The following RTTN variants were observed in gnomAD, a reference collection of about 807,000 sequenced individuals.
RTTN encodes the protein rotatin.
Under a neutral mutation model 269.2 loss-of-function variants are expected in RTTN, and 182 were observed. That is an observed-to-expected ratio of 0.68 (90% confidence interval 0.60 to 0.76). The LOEUF (loss-of-function observed/expected upper bound fraction) is 0.76, where lower values mean the gene tolerates loss of function less well. RTTN is among the 30% of genes least tolerant of loss of function. The pLI, the probability that RTTN is intolerant of heterozygous loss-of-function variation, is 0.00. For synonymous variants in RTTN, 1,006 were observed against 963.5 expected (o/e 1.04, Z -0.82); for missense variants, 2,545 against 2,608.6 (o/e 0.98, Z 0.53).
At position 70,196,531 on chromosome 18, in the gene RTTN, G is replaced by A. The variant is rs774507438; in HGVS notation, c.811C>T (p.Arg271Ter). 14 of 1,611,390 alleles carry A rather than the reference G, an allele frequency of 8.7e-6. No individual in the cohort carries two copies. The highest frequency in any genetic ancestry group is 5.1e-5 in the Admixed American group (3 of 59,126). Residue 271 changes from arginine to a stop codon, truncating the protein, a stop_gained, in exon 7 of 49, where the codon CGA becomes TGA. Transcript: ENST00000640769. LOFTEE classifies it high-confidence loss of function. The stretch of plus-strand genomic sequence containing the variant: ...TTATTGGAGAAAAAACCTGGATCTC[G>A]GTGAAAGTTAAGTCTGTTTCTTAAA... Reference protein sequence around the residue: ...MYLRNRLNFHRDPGFFSNKHD... With the variant: ...MYLRNRLNFH
chr18:70,057,274 G>A (rs1482973385), intron 37 of RTTN, among the ~76,000 whole-genome samples: 1 of 152,200 alleles, frequency 6.6e-6, no homozygotes, highest in Non-Finnish European at 1.5e-5. Context: ...CTAGCTATAG[G>A]CAAGAATTTA....
rs2056183636 is a variant in RTTN at position 70,006,276 on chromosome 18, C to A, written c.6525+105G>T. ...ATGGATCTTTGATTTTGTCTTTTTT[C>A]TTTTGCTGTAACTCTTGACACCTTT... On this transcript the variant is annotated intron_variant, in intron 47 of 48. Transcript: ENST00000640769. 2.3e-5 allele frequency: 17 copies of A among 727,254 alleles called. No individual in the cohort carries two copies. In the South Asian group the frequency reaches 3.0e-4, roughly 13 times the overall value. 45.1% of individuals were successfully genotyped at this position (727,254 alleles called of 1,614,324 possible). A position where few individuals can be genotyped will look rare whatever the true frequency, so the allele number is the denominator to read the frequency against.
In RTTN at chr18:70,128,556, A is replaced by T. The variant is rs761093815; in HGVS notation, c.2955-10T>A. 4 of 1,607,354 alleles carry T rather than the reference A, an allele frequency of 2.5e-6. No homozygotes were observed. In the South Asian group the frequency reaches 4.4e-5, roughly 18 times the overall value. ...AACAGGTAGATGGTACCTAAAGAAAATGTGTACAAATAATTACAAACTTTC... is the reference window on the plus strand; with the variant it reads ...AACAGGTAGATGGTACCTAAAGAAATTGTGTACAAATAATTACAAACTTTC... On this transcript the variant is annotated splice_polypyrimidine_tract_variant and intron_variant, in intron 23 of 48. Transcript: ENST00000640769.
At chr18:70,189,503 T>C (rs1052198306) in intron 9 of RTTN, among the ~76,000 whole-genome samples, 9 of 152,238 alleles carry the variant, frequency 5.9e-5, no homozygotes, top group Non-Finnish European at 1.3e-4. Context: ...GTTGAAAATG[T>C]ATAGATTTTG....
intron 11 of RTTN, 92 bp from the exon 12 acceptor site, chr18:70,169,159 C>A: frequency 1.1e-6 from 1 of 876,440 alleles, no homozygotes; most frequent in Non-Finnish European, 1.6e-6. Context: ...TAATCTAATC[C>A]AACTTCCTTT....
intron 32 of RTTN, among the ~76,000 whole-genome samples, chr18:70,078,340 G>A (rs2058479343): frequency 6.6e-6 from 1 of 151,828 alleles, no homozygotes; most frequent in Non-Finnish European, 1.5e-5. Flanking sequence ...TTTCAAATAT[G>A]CAAGAACTTG....
At position 70,048,065 on chromosome 18, in the gene RTTN, G is replaced by A; in HGVS notation, c.5447C>T (p.Thr1816Ile). The A allele has an allele frequency of 1.1e-5, 17 of 1,614,108 alleles. No individual in the cohort carries two copies. Among genetic ancestry groups the A allele is most frequent in the Non-Finnish European group, 1.3e-5 (15 of 1,179,968 alleles). The change falls in exon 40 of 49, where the codon ACA (threonine) becomes ATA (isoleucine). Residue 1816 changes from threonine to isoleucine, a missense_variant. Thr to Ile is a moderately conservative substitution (Grantham distance 89). Coordinates refer to ENST00000640769, the MANE Select transcript of RTTN (RefSeq NM_173630.4). ...AKGHLQAKSK[T>I]HLCCSPTVAS... ...CACTGTTGGACTACAGCATAAATGT[G>A]TTTTGCTCTTAGCCTGGAGATGCCC...
chr18:70,156,592 C>T (rs9973032), intron 14 of RTTN, among the ~76,000 whole-genome samples: 2 of 152,192 alleles, frequency 1.3e-5, no homozygotes, highest in African/African-American at 4.8e-5. Context: ...ACTCCCTCCC[C>T]TTTTGAAAGT....
At position 70,060,371 on chromosome 18, in the gene RTTN, C is replaced by G. The variant is rs118016532; in HGVS notation, c.4748-329G>C. Among the ~76,000 whole-genome samples, 923 of 152,188 alleles carry G rather than the reference C, an allele frequency of 6.1e-3. 3 individuals are homozygous for G. The highest frequency in any genetic ancestry group is 0.01 in the Middle Eastern group (3 of 294). On this transcript the variant is annotated intron_variant, in intron 35 of 48. Coordinates refer to ENST00000640769, the MANE Select transcript of RTTN (RefSeq NM_173630.4). ...GAGAACAAAAAGATGATTTACAATC[C>G]TTTTTCTGAAACTCGAGGGGCCAAA... is the stretch of plus-strand genomic sequence containing the variant.
chr18:70,120,729 T>C (rs1041300872), intron 26 of RTTN, among the ~76,000 whole-genome samples: 1 of 152,170 alleles, frequency 6.6e-6, no homozygotes, highest in African/African-American at 2.4e-5. Flanking sequence ...GAAATCTGAA[T>C]AGCCAAAATT....
chr18:70,095,342 C>A (rs192769326), intron 28 of RTTN, among the ~76,000 whole-genome samples: 1,880 of 152,144 alleles, frequency 0.012, 23 homozygotes, highest in South Asian at 0.038. Flanking sequence ...CCTGTCATTA[C>A]GATGTTAGCT....
At chr18:70,069,667 T>C (rs1266591169) in intron 34 of RTTN, among the ~76,000 whole-genome samples, 6 of 152,232 alleles carry the variant, frequency 3.9e-5, no homozygotes, top group Non-Finnish European at 8.8e-5. Context: ...CACTTTAACT[T>C]TTTTTGAAAG....
chr18:70,138,692 T>C (rs1240581260), intron 21 of RTTN: 1 of 152,196 alleles, frequency 6.6e-6, no homozygotes, highest in African/African-American at 2.4e-5. Flanking sequence ...TGAATCTGTT[T>C]AGAGCTTTAC....
In RTTN at chr18:70,109,573, A is replaced by G. The variant is rs2059408352; in HGVS notation, c.3828T>C (p.Phe1276=). 6.2e-7 allele frequency: 1 copy of G among 1,614,050 alleles called. No homozygotes were observed. The highest frequency in any genetic ancestry group is 1.3e-5 in the African/African-American group (1 of 74,912). ...TLRGMANLTA[F]PGWSSHSPLT... ...GAGGAGAGTGTGAGCTCCATCCCGG[A>G]AACGCAGTGAGGTTAGCCATCCCTC... The change falls in exon 28 of 49, where the codon TTT becomes TTC. Residue 1276 remains phenylalanine (F), a synonymous_variant. Transcript: ENST00000640769.
intron 8 of RTTN, 47 bp downstream of exon 8, chr18:70,193,241 A>G: frequency 6.6e-6 from 10 of 1,526,576 alleles, no homozygotes; most frequent in Non-Finnish European, 8.9e-6. Context: ...CACACACACA[A>G]GTTAACCGGC....
rs750775116 is a variant in RTTN at position 70,128,335 on chromosome 18, T to G, written c.3143+23A>C. The stretch of plus-strand genomic sequence containing the variant: ...TACAATTAATTAATTGCAAATGCTT[T>G]TTAAACTAATATAAGAGCTTACTCT... On this transcript the variant is annotated intron_variant, in intron 24 of 48. Transcript: ENST00000640769. 5.7e-6 allele frequency: 9 copies of G among 1,571,604 alleles called. No homozygotes were observed. The Admixed American group carries it at 1.4e-4, about 25-fold the overall frequency.
At chr18:70,190,512 G>GA (rs1210394277) in intron 9 of RTTN, 26 bp downstream of exon 9, 2 of 1,553,498 alleles carry the variant, frequency 1.3e-6, no homozygotes, top group South Asian at 2.3e-5. Flanking sequence ...AATTATATCA[G>GA]AATTACGATT....
intron 14 of RTTN, among the ~76,000 whole-genome samples, chr18:70,160,127 C>CA (rs568769742): frequency 1.8e-3 from 271 of 151,730 alleles, no homozygotes; most frequent in African/African-American, 6.4e-3. Context: ...AGAGACACAA[C>CA]AAAAAAAGAA....
chr18:70,109,926 C>T (rs992819504), intron 27 of RTTN, among the ~76,000 whole-genome samples: 9 of 152,206 alleles, frequency 5.9e-5, no homozygotes, highest in African/African-American at 1.7e-4. Context: ...ATACAAGTAA[C>T]GATTACACTG....
Sources: allele counts gnomAD v4.1 joint callset (sites outside exome capture counted in the v4.1 genomes callset), GRCh38; gene constraint gnomAD v4.1.1; transcripts MANE v1.5; gene names NCBI Gene and HGNC (gene_info 2026-07-23, HGNC 2026-07-21).